Variants in LRRFIP1 observed in about 807,000 individuals in gnomAD.
LRRFIP1 encodes LRR binding FLII interacting protein 1.
A neutral mutation model predicts 104.4 loss-of-function variants in LRRFIP1; 62 were observed. That is an observed-to-expected ratio of 0.59 (90% confidence interval 0.48 to 0.73). The LOEUF (loss-of-function observed/expected upper bound fraction) is 0.73. Among genes scored for constraint, LRRFIP1 ranks in the 30% least tolerant of loss-of-function variants. The pLI is 0.00. For synonymous variants in LRRFIP1, 300 were observed against 299.0 expected (o/e 1.00, Z -0.03); for missense variants, 796 against 824.5 (o/e 0.97, Z 0.42).
chr2:237,764,882 A>C (rs1367055963), intron 19 of LRRFIP1: 31 of 985,578 alleles, frequency 3.1e-5, no homozygotes, highest in Non-Finnish European at 3.0e-5. Context: ...AATTCATTTT[A>C]TAGAAAGATT....
At chr2:237,772,636 C>G in intron 21 of LRRFIP1, 3 of 581,358 alleles carry the variant, frequency 5.2e-6, no homozygotes. Flanking sequence ...TAGGCACTCT[C>G]TTGCCTGAGG....
At position 237,763,243 on chromosome 2, in the gene LRRFIP1, C is replaced by T. The variant is rs747597694; in HGVS notation, c.1459+3038C>T. ...AGGGTGAAGAAACAGGATTAAGGGA[C>T]GAGAAACCAATCAAGACAGAAGTTC... On this transcript the variant is annotated intron_variant, in intron 19 of 23. Coordinates refer to ENST00000308482, the MANE Select transcript of LRRFIP1 (RefSeq NM_001137550.2). 37 of 1,613,866 alleles carry T rather than the reference C, an allele frequency of 2.3e-5. No individual in the cohort carries two copies. The highest frequency in any genetic ancestry group is 3.3e-5 in the Admixed American group (2 of 59,984).
chr2:237,761,948 C>CAA (rs2059919746), intron 19 of LRRFIP1, among the ~76,000 whole-genome samples: 1 of 152,192 alleles, frequency 6.6e-6, no homozygotes, highest in Non-Finnish European at 1.5e-5. Context: ...TTGCCTCCTG[C>CAA]TGGTCCTCTC....
chr2:237,685,410 T>G (rs963810173), intron 1 of LRRFIP1, among the ~76,000 whole-genome samples: 1 of 152,194 alleles, frequency 6.6e-6, no homozygotes. Context: ...AATGGTGTAA[T>G]GTAACGCCAT....
At chr2:237,702,281 C>T (rs1357195920) in intron 1 of LRRFIP1, among the ~76,000 whole-genome samples, 1 of 152,214 alleles carries the variant, frequency 6.6e-6, no homozygotes, top group Non-Finnish European at 1.5e-5. Flanking sequence ...GACAAGGAGG[C>T]AACTTTGATA....
chr2:237,660,731 G>A (rs1012428565), intron 1 of LRRFIP1, among the ~76,000 whole-genome samples: 8 of 152,186 alleles, frequency 5.3e-5, no homozygotes, highest in Non-Finnish European at 7.3e-5. Flanking sequence ...GGAGTGCCAC[G>A]AGCTCCTGTG....
intron 10 of LRRFIP1, among the ~76,000 whole-genome samples, chr2:237,736,471 A>G (rs1165795744): frequency 6.6e-6 from 1 of 152,180 alleles, no homozygotes; most frequent in African/African-American, 2.4e-5. Flanking sequence ...AAAGAGGGAG[A>G]ATACTAATTC....
In LRRFIP1 at chr2:237,772,360, A is replaced by G; in HGVS notation, c.1627+162A>G. On this transcript the variant is annotated intron_variant, in intron 21 of 23. Coordinates refer to ENST00000308482, the MANE Select transcript of LRRFIP1 (RefSeq NM_001137550.2). The stretch of plus-strand genomic sequence containing the variant: ...GCACAAGGAGGGGTAGGTAGACAGA[A>G]CAATGGTGTTTCTCTCTGAGCCTAT... 1.5e-5 allele frequency: 9 copies of G among 593,646 alleles called. No individual in the cohort carries two copies. The South Asian group carries it at 1.7e-4, about 11-fold the overall frequency. 36.8% of individuals were successfully genotyped at this position (593,646 alleles called of 1,614,324 possible).
chr2:237,724,593 C>T lies in LRRFIP1; in HGVS notation c.384+1007C>T, dbSNP rs1219225916. On this transcript the variant is annotated intron_variant, in intron 7 of 23. Transcript: ENST00000308482. ...TCTTCACAGAGTATCTGTTACTTAC[C>T]TACAGAGCACTGCAAGTCGCTCTGG... 2.0e-5 allele frequency among the ~76,000 whole-genome samples: 3 copies of T among 152,172 alleles called. No individual in the cohort carries two copies. The East Asian group carries it at 5.8e-4, about 29-fold the overall frequency.
chr2:237,721,054 TC>T (rs2094520974), intron 6 of LRRFIP1: 1 of 490,580 alleles, frequency 2.0e-6, no homozygotes, highest in Non-Finnish European at 3.8e-6. Context: ...CGAGATGAAG[TC>T]ATCTTTTTTT....
At chr2:237,746,067 T>A (rs371995560) in intron 11 of LRRFIP1, among the ~76,000 whole-genome samples, 28 of 147,682 alleles carry the variant, frequency 1.9e-4, no homozygotes, top group African/African-American at 2.4e-4. Context: ...TATTTATTTT[T>A]TTTTTTTTTG....
At chr2:237,672,830 T>C (rs930745957) in intron 1 of LRRFIP1, among the ~76,000 whole-genome samples, 2 of 152,240 alleles carry the variant, frequency 1.3e-5, no homozygotes, top group East Asian at 1.9e-4. Flanking sequence ...GTCCCTGATA[T>C]TGAAGCTCTG....
chr2:237,650,960 C>T (rs2085840766), intron 1 of LRRFIP1, among the ~76,000 whole-genome samples: 1 of 152,148 alleles, frequency 6.6e-6, no homozygotes, highest in Non-Finnish European at 1.5e-5. Context: ...CCACATCCTC[C>T]TTGAAATGCG....
At chr2:237,682,906 A>G (rs10198748) in intron 1 of LRRFIP1, among the ~76,000 whole-genome samples, 119,642 of 152,262 alleles carry the variant, frequency 0.79, 47,091 homozygotes, top group Middle Eastern at 0.86. Context: ...AAGCTGAGAC[A>G]TGAATGTGCT....
chr2:237,652,147 A>G (rs2086045842), intron 1 of LRRFIP1, among the ~76,000 whole-genome samples: 1 of 152,232 alleles, frequency 6.6e-6, no homozygotes, highest in African/African-American at 2.4e-5. Flanking sequence ...CACTCTCTGG[A>G]TGGAGAAGAC....
intron 21 of LRRFIP1, chr2:237,772,662 A>G: frequency 5.1e-6 from 3 of 592,076 alleles, no homozygotes; most frequent in Non-Finnish European, 9.0e-6. Flanking sequence ...TGCCCCAAGC[A>G]CAGGGGCGGA....
In LRRFIP1 at chr2:237,735,382, C is replaced by CA; in HGVS notation, c.555+49_555+50insA. On this transcript the variant is annotated intron_variant, in intron 10 of 23. Transcript: ENST00000308482. The surrounding 1 kb of genome is among the most constrained non-coding windows in gnomAD (Gnocchi z 4.6). ...CCTTTCCCCCGTGCCTGCTGCATGGCCTGGGGATGCTCGCTGGGCAGGGTC... is the reference window on the plus strand; with the variant it reads ...CCTTTCCCCCGTGCCTGCTGCATGGCACTGGGGATGCTCGCTGGGCAGGGTC... 1 of 1,562,276 alleles carries CA rather than the reference C, an allele frequency of 6.4e-7. No homozygotes were observed. Among genetic ancestry groups the CA allele is most frequent in the Non-Finnish European group, 8.7e-7 (1 of 1,146,004 alleles).
intron 8 of LRRFIP1, among the ~76,000 whole-genome samples, chr2:237,733,360 T>C (rs1404673548): frequency 6.6e-6 from 1 of 152,246 alleles, no homozygotes; most frequent in African/African-American, 2.4e-5. Flanking sequence ...TTCCTGCTCC[T>C]GTCTTCATGT....
At chr2:237,655,166 A>G (rs2086606723) in intron 1 of LRRFIP1, among the ~76,000 whole-genome samples, 1 of 56,276 alleles carries the variant, frequency 1.8e-5, no homozygotes, top group Non-Finnish European at 3.5e-5. Context: ...GCTGGAGTGC[A>G]GTGGCGGGAT....
Sources: gnomAD v4.1 joint callset for allele counts (sites outside exome capture counted in the v4.1 genomes callset) on GRCh38, gnomAD v4.1.1 for gene constraint, Gnocchi (gnomAD v3.1) non-coding constraint, MANE v1.5 for transcripts, NCBI Gene and HGNC (gene_info 2026-07-23, HGNC 2026-07-21) for gene names.